Variants in GNA14 observed in about 807,000 individuals in gnomAD.
The protein encoded by GNA14 is G protein subunit alpha 14.
Under a neutral mutation model 42.0 loss-of-function variants are expected in GNA14, and 50 were observed. The ratio of observed to expected loss-of-function variants is 1.19; its 90% CI spans 0.95 to 1.51. GNA14 has a LOEUF of 1.51. Ranked by LOEUF, GNA14 falls within the 40% of genes most tolerant of loss-of-function variation. The pLI is 0.00. For missense variants in GNA14, 473 were observed against 446.2 expected (o/e 1.06, Z -0.54); for synonymous variants, 173 against 163.1 (o/e 1.06, Z -0.46).
intron 1 of GNA14, among the ~76,000 whole-genome samples, chr9:77,538,478 G>A (rs1320615584): frequency 1.3e-5 from 2 of 152,018 alleles, no homozygotes; most frequent in Non-Finnish European, 2.9e-5. Context: ...TATGATGTTG[G>A]TATTCTGATA....
At chr9:77,584,462 T>C (rs922062965) in intron 1 of GNA14, among the ~76,000 whole-genome samples, 2 of 152,098 alleles carry the variant, frequency 1.3e-5, no homozygotes, top group South Asian at 4.1e-4. Flanking sequence ...TAAACATCCC[T>C]AGCCTCTACC....
intron 2 of GNA14, among the ~76,000 whole-genome samples, chr9:77,446,037 G>A (rs1294856553): frequency 3.3e-5 from 5 of 152,230 alleles, no homozygotes; most frequent in Admixed American, 2.0e-4. Context: ...ATTTTCCAGT[G>A]ACCAGGGCCC....
intron 1 of GNA14, among the ~76,000 whole-genome samples, chr9:77,548,890 G>C (rs1182101605): frequency 6.6e-6 from 1 of 151,992 alleles, no homozygotes; most frequent in Non-Finnish European, 1.5e-5. Context: ...ATTTAATATG[G>C]TAAGTACGTG....
At chr9:77,534,942 A>C (rs1056787901) in intron 1 of GNA14, among the ~76,000 whole-genome samples, 2 of 152,290 alleles carry the variant, frequency 1.3e-5, no homozygotes, top group African/African-American at 2.4e-5. Flanking sequence ...ATGCAAAGCA[A>C]CCTCACCAGT....
At chr9:77,435,071 A>T (rs1835622373) in intron 2 of GNA14, among the ~76,000 whole-genome samples, 2 of 150,240 alleles carry the variant, frequency 1.3e-5, no homozygotes, top group South Asian at 4.2e-4. Flanking sequence ...AAAAAAAAAA[A>T]ACACTGGCCA....
At chr9:77,520,499 A>G (rs2131760013) in intron 2 of GNA14, among the ~76,000 whole-genome samples, 1 of 152,344 alleles carries the variant, frequency 6.6e-6, no homozygotes, top group South Asian at 2.1e-4. Flanking sequence ...AAAAGACGTG[A>G]ATTATGAGAG....
intron 2 of GNA14, among the ~76,000 whole-genome samples, chr9:77,467,447 G>A (rs575719536): frequency 2.3e-4 from 35 of 151,284 alleles, no homozygotes; most frequent in African/African-American, 8.0e-4. Context: ...AGCCCTTGGG[G>A]TGAACATCAT....
At chr9:77,438,557 C>CA (rs142388628) in intron 2 of GNA14, among the ~76,000 whole-genome samples, 2,343 of 152,056 alleles carry the variant, frequency 0.015, 29 homozygotes, top group Non-Finnish European at 0.024. Flanking sequence ...CATAAGCCAC[C>CA]ACGCCTAGCC....
At chr9:77,538,972 C>G (rs929698413) in intron 1 of GNA14, among the ~76,000 whole-genome samples, 2 of 152,164 alleles carry the variant, frequency 1.3e-5, no homozygotes, top group African/African-American at 4.8e-5. Flanking sequence ...AATTTGACTT[C>G]CTCTTTTCCA....
chr9:77,535,653 A>G lies in GNA14; in HGVS notation c.125-6400T>C, dbSNP rs1837587751. ...CTACCTAAGTGCAGGACAGCATCCAATGAGGGAGACGATGCTCATTAAAAA... is the reference window on the plus strand; with the variant it reads ...CTACCTAAGTGCAGGACAGCATCCAGTGAGGGAGACGATGCTCATTAAAAA... On this transcript the variant is annotated intron_variant, in intron 1 of 6. Transcript: ENST00000341700. 2.0e-5 allele frequency among the ~76,000 whole-genome samples: 3 copies of G among 152,186 alleles called. No homozygotes were observed. In the South Asian group the frequency reaches 6.2e-4, roughly 31 times the overall value.
At chr9:77,519,622 G>C (rs1837318612) in intron 2 of GNA14, among the ~76,000 whole-genome samples, 1 of 152,150 alleles carries the variant, frequency 6.6e-6, no homozygotes, top group South Asian at 2.1e-4. Flanking sequence ...CACAGAGTAT[G>C]AAATAAGAGA....
chr9:77,529,024 A>C (rs1475885871), intron 2 of GNA14, 45 bp downstream of exon 2: 1 of 1,497,016 alleles, frequency 6.7e-7, no homozygotes, highest in East Asian at 2.3e-5. Flanking sequence ...CAGAGTGGGC[A>C]GGCATACATT....
chr9:77,568,684 G>A (rs936789839), intron 1 of GNA14, among the ~76,000 whole-genome samples: 2 of 152,188 alleles, frequency 1.3e-5, no homozygotes, highest in African/African-American at 2.4e-5. Flanking sequence ...AGGAAAGGCT[G>A]ACTGGGCTTT....
intron 1 of GNA14, among the ~76,000 whole-genome samples, chr9:77,644,887 C>T (rs145964509): frequency 1.3e-5 from 2 of 152,304 alleles, no homozygotes; most frequent in Non-Finnish European, 2.9e-5. Context: ...CAGTACTCAC[C>T]AATGTTCTTA....
intron 2 of GNA14, among the ~76,000 whole-genome samples, chr9:77,463,050 T>C (rs1330552026): frequency 2.0e-5 from 3 of 152,106 alleles, no homozygotes; most frequent in African/African-American, 4.8e-5. Flanking sequence ...GCAGCACAGA[T>C]TAGGAGAGGG....
intron 2 of GNA14, among the ~76,000 whole-genome samples, chr9:77,512,439 T>A (rs1250864117): frequency 1.3e-5 from 2 of 152,228 alleles, no homozygotes; most frequent in Non-Finnish European, 2.9e-5. Flanking sequence ...ATGACTTACC[T>A]CTGCAGAGAT....
intron 1 of GNA14, among the ~76,000 whole-genome samples, chr9:77,571,756 CAA>C (rs35715329): frequency 1.9e-4 from 25 of 129,778 alleles, no homozygotes; most frequent in African/African-American, 3.3e-4. Flanking sequence ...CCTCTGCCTT[CAA>C]AAAAAAAAAA....
At chr9:77,501,508 G>A (rs115952489) in intron 2 of GNA14, among the ~76,000 whole-genome samples, 245 of 152,072 alleles carry the variant, frequency 1.6e-3, no homozygotes, top group African/African-American at 5.3e-3. Context: ...CTTCTTCACC[G>A]AAATGCCTCT....
intron 1 of GNA14, chr9:77,580,568 T>A: frequency 2.0e-6 from 1 of 505,034 alleles, no homozygotes; most frequent in Non-Finnish European, 3.9e-6. Context: ...TTAAAGAATA[T>A]CAGTGAAGCT....
Sources: gnomAD v4.1 joint callset for allele counts (sites outside exome capture counted in the v4.1 genomes callset) on GRCh38, gnomAD v4.1.1 for gene constraint, MANE v1.5 for transcripts, NCBI Gene and HGNC (gene_info 2026-07-23, HGNC 2026-07-21) for gene names.